TCEANC: variants seen among roughly 807,000 people sequenced by gnomAD.
TCEANC encodes the protein transcription elongation factor A N-terminal and central domain-containing protein.
In TCEANC, 8 loss-of-function variants were observed where a neutral mutation model predicts 8.7. The ratio of observed to expected loss-of-function variants is 0.92; its 90% CI spans 0.54 to 1.65. The LOEUF is 1.65. Ranked by LOEUF, TCEANC falls within the 40% of genes most tolerant of loss-of-function variation. The pLI, the probability that TCEANC is intolerant of heterozygous loss-of-function variation, is 0.00. For synonymous variants in TCEANC, 78 were observed against 92.9 expected (o/e 0.84, Z 0.92); for missense variants, 255 against 251.9 (o/e 1.01, Z -0.08).
At chrX:13,663,520 G>A (rs779943126) in exon 2 of TCEANC, 12 of 1,167,349 alleles carry the variant, frequency 1.0e-5, no homozygotes, top group African/African-American at 1.8e-5. Context: ...AATTTGTAAC[G>A]AATGTGGGGA....
intron 1 of TCEANC, among the ~76,000 whole-genome samples, chrX:13,662,123 C>T (rs918484608): frequency 1.8e-5 from 2 of 111,912 alleles, no homozygotes; most frequent in African/African-American, 6.5e-5. Flanking sequence ...TTGATGCTGA[C>T]ACCGGCATGA....
chrX:13,658,138 G>A (rs909548899), intron 1 of TCEANC, among the ~76,000 whole-genome samples: 2 of 111,941 alleles, frequency 1.8e-5, no homozygotes, highest in Non-Finnish European at 3.8e-5. Flanking sequence ...TGACTTGGTG[G>A]GGTGGGACAG....
upstream of TCEANC, chrX:13,653,234 G>C (rs1174300758): frequency 8.8e-6 from 1 of 113,118 alleles, no homozygotes; most frequent in Non-Finnish European, 1.9e-5. Context: ...CCGCAAAAAG[G>C]CGAGCCCTTA....
At chrX:13,658,688 A>G (rs2045943067) in intron 1 of TCEANC, among the ~76,000 whole-genome samples, 1 of 111,783 alleles carries the variant, frequency 8.9e-6, no homozygotes, top group South Asian at 3.7e-4. Flanking sequence ...TTGCATTCAG[A>G]TAAGTATTCA....
At chrX:13,659,286 A>G (rs2045947176) in intron 1 of TCEANC, among the ~76,000 whole-genome samples, 1 of 112,464 alleles carries the variant, frequency 8.9e-6, no homozygotes, top group South Asian at 3.6e-4. Flanking sequence ...TTTGCTAGGC[A>G]TTGAGAAAGA....
rs756938350 is a variant in TCEANC at position 13,657,507 on chromosome X, A to G, written c.-9+2134A>G. ...TCAAGATAAATGAAAACATATGTCCATGCAAAAACTTGTACACAGGCCGGG... is the reference window on the plus strand; with the variant it reads ...TCAAGATAAATGAAAACATATGTCCGTGCAAAAACTTGTACACAGGCCGGG... On this transcript the variant is annotated intron_variant, in intron 1 of 1. Coordinates refer to ENST00000380600, the Ensembl canonical transcript of TCEANC. 1.1e-3 allele frequency among the ~76,000 whole-genome samples: 126 copies of G among 112,818 alleles called. 1 individual carries two copies. The highest frequency in any genetic ancestry group is 4.0e-3 in the African/African-American group (124 of 31,156).
exon 2 of TCEANC, chrX:13,662,868 G>A (rs762146220): frequency 5.8e-6 from 7 of 1,210,034 alleles, no homozygotes; most frequent in South Asian, 1.8e-5. Context: ...TCTGCAGCTC[G>A]AATTCTCTGT....
Position 13,662,997 on chromosome X carries a change from G to A in TCEANC, c.489G>A (p.Ser163=), listed in dbSNP as rs979198880. The stretch of plus-strand genomic sequence containing the variant: ...ACCCTGAATCCACTGGCAAGAGATC[G>A]AGTGAGTTGCTGGATCCCACAACAC... The change falls in exon 2 of 2, where the codon TCG becomes TCA. Residue 163 remains serine (S), a synonymous_variant. Coordinates refer to ENST00000380600, the Ensembl canonical transcript of TCEANC. The A allele has an allele frequency of 2.5e-6, 3 of 1,209,382 alleles. No homozygotes were observed. Among genetic ancestry groups the A allele is most frequent in the Middle Eastern group, 4.6e-4 (2 of 4,355 alleles).
At chrX:13,655,824 T>A (rs1235700097) in intron 1 of TCEANC, among the ~76,000 whole-genome samples, 1 of 112,702 alleles carries the variant, frequency 8.9e-6, no homozygotes, top group Non-Finnish European at 1.9e-5. Context: ...TGGTGAGAGA[T>A]CAGCCAGGCT....
At chrX:13,656,852 AAG>A in intron 1 of TCEANC, among the ~76,000 whole-genome samples, 1 of 113,050 alleles carries the variant, frequency 8.8e-6, no homozygotes, top group Admixed American at 9.3e-5. Context: ...CAGTCACAAA[AAG>A]AGAAATACTG....
At chrX:13,663,003 G>C (rs773607789) in exon 2 of TCEANC, 2 of 1,211,373 alleles carry the variant, frequency 1.7e-6, no homozygotes, top group South Asian at 3.5e-5. Flanking sequence ...GATCGAGTGA[G>C]TTGCTGGATC....
exon 2 of TCEANC, chrX:13,665,354 A>C (rs1343335288): frequency 8.1e-6 from 1 of 123,801 alleles, no homozygotes; most frequent in African/African-American, 3.2e-5. Flanking sequence ...GTTTTTATTT[A>C]TATTGGAATT....
At chrX:13,658,973 T>A (rs1325640829) in intron 1 of TCEANC, among the ~76,000 whole-genome samples, 1 of 112,693 alleles carries the variant, frequency 8.9e-6, no homozygotes, top group Non-Finnish European at 1.9e-5. Flanking sequence ...TTTGCCTTTT[T>A]AAAATTCCAC....
At position 13,656,258 on chromosome X, in the gene TCEANC, C is replaced by G. The variant is rs754347044; in HGVS notation, c.-9+885C>G. Among the ~76,000 whole-genome samples the G allele has an allele frequency of 2.7e-5, 3 of 112,410 alleles. No individual in the cohort carries two copies. The South Asian group carries it at 1.1e-3, about 41-fold the overall frequency. The stretch of plus-strand genomic sequence containing the variant: ...AGTATTACTCCCACTAGGCTATCAG[C>G]TCCTTCAAGGCAGAGACTGTCTCTT... On this transcript the variant is annotated intron_variant, in intron 1 of 1. Coordinates refer to ENST00000380600, the Ensembl canonical transcript of TCEANC.
At chrX:13,660,462 T>G (rs934582420) in intron 1 of TCEANC, among the ~76,000 whole-genome samples, 1 of 112,118 alleles carries the variant, frequency 8.9e-6, no homozygotes, top group African/African-American at 3.2e-5. Context: ...ACTGCCCTTC[T>G]GCCCTACCCT....
intron 1 of TCEANC, among the ~76,000 whole-genome samples, chrX:13,655,808 C>T (rs1294267072): frequency 8.9e-6 from 1 of 112,655 alleles, no homozygotes; most frequent in East Asian, 2.8e-4. Context: ...GCTTGAGAAC[C>T]ACTAATGGTG....
In TCEANC at chrX:13,663,145, T is replaced by C; in HGVS notation, c.637T>C (p.Tyr213His). The change falls in exon 2 of 2, where the codon TAT becomes CAT. Residue 213 changes from tyrosine to histidine, a missense_variant. Transcript: ENST00000380600. ...AATTGAAGAGCATGTTTTTACCCTT[T>C]ATTCAAAGAACATCAAAAAATATAA... 3 of 1,207,513 alleles carry C rather than the reference T, an allele frequency of 2.5e-6. No homozygotes were observed. The South Asian group carries it at 5.4e-5, about 22-fold the overall frequency.
exon 2 of TCEANC, chrX:13,662,510 T>C: frequency 8.3e-7 from 1 of 1,202,361 alleles, no homozygotes; most frequent in South Asian, 1.8e-5. Flanking sequence ...GCTGTAAAGA[T>C]GTCTGACAAG....
chrX:13,659,134 C>T (rs1282542034), intron 1 of TCEANC, among the ~76,000 whole-genome samples: 1 of 112,338 alleles, frequency 8.9e-6, no homozygotes, highest in Non-Finnish European at 1.9e-5. Flanking sequence ...CTTGAAGTCA[C>T]GCAGTTGTGT....
Sources: gnomAD v4.1 joint callset for allele counts (sites outside exome capture counted in the v4.1 genomes callset) on GRCh38, gnomAD v4.1.1 for gene constraint, MANE v1.5 for transcripts, NCBI Gene and HGNC (gene_info 2026-07-23, HGNC 2026-07-21) for gene names.